Variants in ADAM22 observed in about 807,000 individuals in gnomAD.
The protein encoded by ADAM22 is disintegrin and metalloproteinase domain-containing protein 22.
ADAM22 carries 65 observed loss-of-function variants against 144.6 expected under a neutral mutation model. The observed-to-expected ratio is 0.45, with a 90% CI of 0.37 to 0.55. ADAM22 has a LOEUF of 0.55. Ranked by LOEUF, ADAM22 falls within the 20% of genes least tolerant of loss-of-function variation. The probability of loss-of-function intolerance (pLI) is 0.00; values close to 1 mark genes in which losing one functional copy is unlikely to be tolerated. For missense variants in ADAM22, 974 were observed against 1,184.9 expected (o/e 0.82, Z 2.61); for synonymous variants, 391 against 412.6 (o/e 0.95, Z 0.63).
At chr7:88,157,395 C>G (rs1487538413) in intron 22 of ADAM22, among the ~76,000 whole-genome samples, 3 of 152,078 alleles carry the variant, frequency 2.0e-5, no homozygotes, top group Non-Finnish European at 4.4e-5. Context: ...TAGGATTTGG[C>G]AACAGGAGCC....
intron 3 of ADAM22, among the ~76,000 whole-genome samples, chr7:88,008,828 A>G (rs1168818536): frequency 6.6e-6 from 1 of 151,924 alleles, no homozygotes; most frequent in Non-Finnish European, 1.5e-5. Context: ...GCACACCAGC[A>G]TGGCACATGT....
At chr7:88,167,572 C>G (rs2129531797) in intron 24 of ADAM22, among the ~76,000 whole-genome samples, 1 of 152,246 alleles carries the variant, frequency 6.6e-6, no homozygotes, top group South Asian at 2.1e-4. Context: ...CTCTAGAATG[C>G]CACAGCCATC....
At chr7:88,131,571 G>T in intron 11 of ADAM22, 136 bp downstream of exon 11, 5 of 841,106 alleles carry the variant, frequency 5.9e-6, no homozygotes, top group South Asian at 1.9e-5. Flanking sequence ...TTTGGAAAAA[G>T]TTTTCAAGTA....
At position 87,953,295 on chromosome 7, in the gene ADAM22, C is replaced by T. The variant is rs184605327; in HGVS notation, c.246+18109C>T. On this transcript the variant is annotated intron_variant, in intron 2 of 31. Transcript: ENST00000413139. Reference sequence around the variant, plus strand: ...TGGGCATTTAGTGCTATAAATTTCCCTCTACACACTGCTTTGAATGTGTCC... The same window carrying T: ...TGGGCATTTAGTGCTATAAATTTCCTTCTACACACTGCTTTGAATGTGTCC... Among the ~76,000 whole-genome samples, 103 of 151,988 alleles carry T rather than the reference C, an allele frequency of 6.8e-4. 1 individual carries two copies. The highest frequency in any genetic ancestry group is 2.3e-3 in the African/African-American group (94 of 41,478).
chr7:88,096,504 A>G (rs1463756311), intron 4 of ADAM22, among the ~76,000 whole-genome samples: 1 of 151,178 alleles, frequency 6.6e-6, no homozygotes. Flanking sequence ...ACACACACAT[A>G]TATATATATT....
rs58099116 is a variant in ADAM22 at position 88,113,703 on chromosome 7, AATATATATATAT to A, written c.474-855_474-844del. 3.7e-4 allele frequency among the ~76,000 whole-genome samples: 18 copies of A among 48,108 alleles called. No homozygotes were observed. In the South Asian group the frequency reaches 4.9e-3, roughly 13 times the overall value. The allele number at this position is 48,108 out of a possible 152,430, so 31.6% of individuals were successfully genotyped here. A position where few individuals can be genotyped will look rare whatever the true frequency, so the allele number is the denominator to read the frequency against. On this transcript the variant is annotated intron_variant, in intron 5 of 31. Transcript: ENST00000413139. ...TATATATATTATAAATAAATAAATAAATATATATATATATATATATATATATATATATATATA... is the reference window on the plus strand; with the variant it reads ...TATATATATTATAAATAAATAAATAAATATATATATATATATATATATATA...
At position 88,136,029 on chromosome 7, in the gene ADAM22, T is replaced by C; in HGVS notation, c.1218T>C (p.Thr406=). 6.2e-7 allele frequency: 1 copy of C among 1,611,906 alleles called. No homozygotes were observed. The highest frequency in any genetic ancestry group is 8.5e-7 in the Non-Finnish European group (1 of 1,178,818). Residue 406 remains threonine (T), a splice_region_variant and synonymous_variant, in exon 14 of 32, where the codon ACT becomes ACC. Coordinates refer to ENST00000413139, the MANE Select transcript of ADAM22 (RefSeq NM_001324418.2). ...DTWSGCIMGD[T]GYYLPKKFTQ... ...GGTCCGGGTGCATAATGGGAGACAC[T>C]GGGTGAGCCACTTGTATTTGAAAAT...
intron 23 of ADAM22, among the ~76,000 whole-genome samples, chr7:88,163,421 A>G (rs1167142875): frequency 6.6e-6 from 1 of 152,102 alleles, no homozygotes; most frequent in Non-Finnish European, 1.5e-5. Flanking sequence ...TTTCTGTGTT[A>G]CTATGATCTC....
At chr7:88,039,611 A>ATGTG (rs3085480) in intron 3 of ADAM22, among the ~76,000 whole-genome samples, 87 of 146,496 alleles carry the variant, frequency 5.9e-4, no homozygotes, top group East Asian at 5.0e-3. Context: ...TCATGTTTGC[A>ATGTG]TGTGTGTGTG....
At chr7:88,035,862 G>A (rs550872368) in intron 3 of ADAM22, among the ~76,000 whole-genome samples, 1 of 152,312 alleles carries the variant, frequency 6.6e-6, no homozygotes, top group East Asian at 1.9e-4. Context: ...TACCAAATTA[G>A]TAACTAGAGT....
At chr7:88,143,965 C>T (rs1586151240) in intron 15 of ADAM22, among the ~76,000 whole-genome samples, 1 of 152,240 alleles carries the variant, frequency 6.6e-6, no homozygotes, top group East Asian at 1.9e-4. Context: ...AGTCTTTTTA[C>T]CAAAATAATT....
intron 17 of ADAM22, 64 bp downstream of exon 17, chr7:88,145,571 T>C: frequency 7.7e-7 from 1 of 1,293,286 alleles, no homozygotes; most frequent in South Asian, 1.2e-5. Flanking sequence ...TCATTAAGGC[T>C]GGGTAAATAT....
intron 5 of ADAM22, among the ~76,000 whole-genome samples, chr7:88,108,733 AAAAT>A (rs1304031937): frequency 7.0e-5 from 8 of 113,768 alleles, no homozygotes; most frequent in African/African-American, 1.4e-4. Context: ...TGATTCAAAA[AAAAT>A]AAAGAAAGAA....
chr7:88,125,728 A>G, intron 8 of ADAM22, 69 bp downstream of exon 8: 1 of 1,303,774 alleles, frequency 7.7e-7, no homozygotes, highest in Non-Finnish European at 1.1e-6. Flanking sequence ...TTGAATCTAC[A>G]GTAAGTCTGT....
chr7:87,948,041 T>C (rs2299190), intron 2 of ADAM22, among the ~76,000 whole-genome samples: 76,298 of 151,920 alleles, frequency 0.5, 19,552 homozygotes, highest in African/African-American at 0.54. Flanking sequence ...TTTCTTCTCT[T>C]TTTTCTTCTT....
At chr7:88,173,901 G>C (rs529926940) in intron 26 of ADAM22, among the ~76,000 whole-genome samples, 1 of 152,242 alleles carries the variant, frequency 6.6e-6, no homozygotes, top group Admixed American at 6.5e-5. Flanking sequence ...GAATGAAAGA[G>C]GTGAATGCAG....
At chr7:87,958,683 C>T (rs936018086) in intron 2 of ADAM22, among the ~76,000 whole-genome samples, 1 of 151,978 alleles carries the variant, frequency 6.6e-6, no homozygotes, top group Non-Finnish European at 1.5e-5. Context: ...CGTGCCCGGC[C>T]GACTTTAAAG....
At chr7:88,164,124 T>C (rs998274194) in intron 23 of ADAM22, among the ~76,000 whole-genome samples, 1 of 152,106 alleles carries the variant, frequency 6.6e-6, no homozygotes, top group Non-Finnish European at 1.5e-5. Context: ...TAAGTAGCTC[T>C]GCTCCTATGA....
At chr7:88,088,368 A>G (rs551432183) in intron 4 of ADAM22, among the ~76,000 whole-genome samples, 1 of 152,254 alleles carries the variant, frequency 6.6e-6, no homozygotes, top group East Asian at 1.9e-4. Flanking sequence ...GCAGGCACCT[A>G]TGCTGCTAGC....
Sources: allele counts gnomAD v4.1 joint callset (sites outside exome capture counted in the v4.1 genomes callset), GRCh38; gene constraint gnomAD v4.1.1; transcripts MANE v1.5; gene names NCBI Gene and HGNC (gene_info 2026-07-23, HGNC 2026-07-21).